Variants in TTC28 observed in about 807,000 individuals in gnomAD.
The protein encoded by TTC28 is tetratricopeptide repeat protein 28.
TTC28 carries 61 observed loss-of-function variants against 198.0 expected under a neutral mutation model. The ratio of observed to expected loss-of-function variants is 0.31; its 90% CI spans 0.25 to 0.38. The LOEUF is 0.38. TTC28 is among the 10% of genes least tolerant of loss of function. TTC28 has a pLI of 1.00. For missense variants in TTC28, 2,678 were observed against 3,164.0 expected, an observed-to-expected ratio of 0.85 and a Z score of 3.69; for synonymous variants, 1,171 against 1,297.8, an observed-to-expected ratio of 0.90 and a Z score of 2.10.
chr22:28,083,835 G>C (rs979361960), intron 12 of TTC28, among the ~76,000 whole-genome samples: 1 of 152,228 alleles, frequency 6.6e-6, no homozygotes, highest in Non-Finnish European at 1.5e-5. Flanking sequence ...CTTCCAATAG[G>C]CTTAACAAAT....
intron 2 of TTC28, among the ~76,000 whole-genome samples, chr22:28,417,885 A>G (rs1370324857): frequency 6.6e-6 from 1 of 152,190 alleles, no homozygotes; most frequent in African/African-American, 2.4e-5. Context: ...CTTTGAAAAT[A>G]TTAGCCATCT....
intron 2 of TTC28, among the ~76,000 whole-genome samples, chr22:28,413,197 A>G (rs1326010333): frequency 6.6e-6 from 1 of 152,118 alleles, no homozygotes; most frequent in Non-Finnish European, 1.5e-5. Flanking sequence ...GAACTTTGGG[A>G]GGCCAAGGCG....
chr22:28,561,259 G>A (rs1263965204), intron 2 of TTC28, among the ~76,000 whole-genome samples: 11 of 150,050 alleles, frequency 7.3e-5, no homozygotes, highest in Non-Finnish European at 1.6e-4. Context: ...TGTATTTTTA[G>A]TAGAGACGGG....
At position 27,983,439 on chromosome 22, in the gene TTC28, T is replaced by C. The variant is rs1401703618; in HGVS notation, c.6228A>G (p.Thr2076=). The C allele has an allele frequency of 1.3e-6, 2 of 1,548,096 alleles. No homozygotes were observed. The highest frequency in any genetic ancestry group is 2.8e-5 in the African/African-American group (2 of 72,556). Residue 2076 remains threonine, a synonymous_variant, in exon 23 of 23, where the codon ACA becomes ACG. Coordinates refer to ENST00000397906, the MANE Select transcript of TTC28 (RefSeq NM_001145418.2). ...GTTGTTTGTGGTCTGGTGAGAAGCA[T>C]GTGTTTCGGTTTTCTTGGTAGGTCG... ...PLATYQENRN[T]CFSPDHKQPQ...
intron 12 of TTC28, among the ~76,000 whole-genome samples, chr22:28,085,519 C>T (rs1034740567): frequency 2.0e-5 from 3 of 152,144 alleles, no homozygotes; most frequent in African/African-American, 7.2e-5. Flanking sequence ...AAGCACTAAA[C>T]ATGGAAAGGA....
intron 3 of TTC28, among the ~76,000 whole-genome samples, chr22:28,305,421 T>A (rs1392780472): frequency 2.6e-5 from 4 of 152,196 alleles, no homozygotes; most frequent in Admixed American, 2.6e-4. Context: ...AGGAAAATAT[T>A]TTTTATAGCT....
intron 2 of TTC28, among the ~76,000 whole-genome samples, chr22:28,426,574 A>C (rs2047353663): frequency 1.3e-5 from 2 of 152,182 alleles, no homozygotes. Context: ...CTAGTTCCTA[A>C]GGAACTAGGA....
intron 2 of TTC28, among the ~76,000 whole-genome samples, chr22:28,567,990 T>G (rs1347010303): frequency 6.6e-6 from 1 of 152,084 alleles, no homozygotes; most frequent in Non-Finnish European, 1.5e-5. Context: ...TAAAAATGAA[T>G]TTGTGATAAA....
At chr22:28,072,081 G>A (rs942717881) in intron 12 of TTC28, among the ~76,000 whole-genome samples, 3 of 152,214 alleles carry the variant, frequency 2.0e-5, no homozygotes, top group African/African-American at 7.2e-5. Flanking sequence ...CGTCCCAGAT[G>A]ATACTATATG....
chr22:28,445,524 A>G (rs2047689110), intron 2 of TTC28, among the ~76,000 whole-genome samples: 1 of 152,148 alleles, frequency 6.6e-6, no homozygotes, highest in Non-Finnish European at 1.5e-5. Context: ...CTTACCATGG[A>G]CTGTAATGCC....
chr22:28,041,884 C>A (rs1456323672), intron 12 of TTC28, among the ~76,000 whole-genome samples: 5 of 150,698 alleles, frequency 3.3e-5, no homozygotes, highest in Non-Finnish European at 7.4e-5. Context: ...AACAAATTTA[C>A]AAGAAAAAAA....
chr22:28,241,517 G>T (rs1929652887), intron 5 of TTC28, among the ~76,000 whole-genome samples: 1 of 151,942 alleles, frequency 6.6e-6, no homozygotes, highest in South Asian at 2.1e-4. Flanking sequence ...TTATGTAAGA[G>T]AATACCCTTA....
At chr22:28,264,496 A>T (rs1569228649) in intron 5 of TTC28, among the ~76,000 whole-genome samples, 1 of 152,232 alleles carries the variant, frequency 6.6e-6, no homozygotes, top group African/African-American at 2.4e-5. Flanking sequence ...GTTCAGGAGA[A>T]GATGATGAGG....
chr22:28,424,162 T>C (rs934380259), intron 2 of TTC28, among the ~76,000 whole-genome samples: 11 of 152,232 alleles, frequency 7.2e-5, no homozygotes. Flanking sequence ...GTATACAACT[T>C]GATGTTTTGA....
chr22:28,430,017 A>G (rs142095085), intron 2 of TTC28, among the ~76,000 whole-genome samples: 2 of 150,722 alleles, frequency 1.3e-5, no homozygotes, highest in East Asian at 2.0e-4. Context: ...GTTCTCTCCA[A>G]CAAGGGCTCT....
chr22:28,180,735 G>GA (rs1482874512), intron 5 of TTC28, among the ~76,000 whole-genome samples: 7 of 152,238 alleles, frequency 4.6e-5, no homozygotes. Flanking sequence ...TCTTGGTAGG[G>GA]AAAAAACTTC....
At chr22:28,493,859 C>G (rs1206835659) in intron 2 of TTC28, among the ~76,000 whole-genome samples, 1 of 152,144 alleles carries the variant, frequency 6.6e-6, no homozygotes, top group Non-Finnish European at 1.5e-5. Context: ...CAGTGAAACA[C>G]CACATCATTG....
chr22:28,523,620 T>C (rs1364031887), intron 2 of TTC28, among the ~76,000 whole-genome samples: 1 of 152,164 alleles, frequency 6.6e-6, no homozygotes, highest in Non-Finnish European at 1.5e-5. Flanking sequence ...AGCCTCAAAA[T>C]AGCCCAGTGA....
At chr22:28,442,510 T>C (rs1427632341) in intron 2 of TTC28, among the ~76,000 whole-genome samples, 1 of 152,170 alleles carries the variant, frequency 6.6e-6, no homozygotes, top group Non-Finnish European at 1.5e-5. Context: ...GGGGCCTGTG[T>C]CAGGGGTGCA....
Sources: allele counts gnomAD v4.1 joint callset (sites outside exome capture counted in the v4.1 genomes callset), GRCh38; gene constraint gnomAD v4.1.1; transcripts MANE v1.5; gene names NCBI Gene and HGNC (gene_info 2026-07-23, HGNC 2026-07-21).